The following PDXDC1 variants were observed in gnomAD, a reference collection of about 807,000 sequenced individuals.
The protein encoded by PDXDC1 is pyridoxal-dependent decarboxylase domain-containing protein 1.
In PDXDC1, 42 loss-of-function variants were observed where a neutral mutation model predicts 100.1. That is an observed-to-expected ratio of 0.42 (90% confidence interval 0.33 to 0.54). PDXDC1 has a LOEUF of 0.54. PDXDC1 is among the 20% of genes least tolerant of loss of function. PDXDC1 has a pLI of 0.10. For missense variants in PDXDC1, 636 were observed against 979.2 expected (o/e 0.65, Z 4.68); for synonymous variants, 260 against 371.7 (o/e 0.70, Z 3.46).
At chr16:15,124,709 C>T (rs912097580) in intron 16 of PDXDC1, among the ~76,000 whole-genome samples, 2 of 151,576 alleles carry the variant, frequency 1.3e-5, no homozygotes, top group Non-Finnish European at 3.0e-5. Flanking sequence ...GAGGCAGAGT[C>T]TGCAGTGAGC....
chr16:15,134,962 C>T (rs1244717084), intron 16 of PDXDC1: 3 of 403,304 alleles, frequency 7.4e-6, no homozygotes, highest in African/African-American at 2.1e-5. Context: ...CGGCCCACCA[C>T]ATCCAGCAAC....
At chr16:15,048,170 G>T in intron 16 of PDXDC1, 1 of 1,078,134 alleles carries the variant, frequency 9.3e-7, no homozygotes, top group Non-Finnish European at 1.4e-6. Flanking sequence ...GATGTGGAGA[G>T]AGCCAAAGTG....
At chr16:15,105,243 T>C (rs1484704848) in intron 16 of PDXDC1, among the ~76,000 whole-genome samples, 1 of 122,966 alleles carries the variant, frequency 8.1e-6, no homozygotes, top group Non-Finnish European at 1.7e-5. Flanking sequence ...CCCTTTATGT[T>C]CTGTCTCTGA....
chr16:15,027,627 GCCGCTC>G (rs1259872118), intron 14 of PDXDC1, among the ~76,000 whole-genome samples: 1 of 152,298 alleles, frequency 6.6e-6, no homozygotes, highest in African/African-American at 2.4e-5. Context: ...TTGGAGTTGG[GCCGCTC>G]AGCGGCCCTG....
chr16:15,032,412 G>A (rs1466338424), intron 17 of PDXDC1: 3 of 169,014 alleles, frequency 1.8e-5, no homozygotes, highest in Non-Finnish European at 3.8e-5. Context: ...AGCACTTTGG[G>A]AGGCCAACAG....
intron 1 of PDXDC1, among the ~76,000 whole-genome samples, chr16:14,978,652 C>T (rs1967252633): frequency 6.6e-6 from 1 of 152,302 alleles, no homozygotes; most frequent in Non-Finnish European, 1.5e-5. Flanking sequence ...GCCTTAGCCT[C>T]CCAAAGTGCT....
chr16:15,135,956 C>T (rs866298841), intron 16 of PDXDC1: 59 of 1,576,326 alleles, frequency 3.7e-5, no homozygotes, highest in Middle Eastern at 4.5e-4. Context: ...CAGGGCCACA[C>T]GCGCCGGGCA....
intron 16 of PDXDC1, chr16:15,133,423 C>G: frequency 9.7e-7 from 1 of 1,035,388 alleles, no homozygotes; most frequent in East Asian, 2.5e-5. Context: ...TGGCCAGAGA[C>G]CTACGAGCAG....
intron 16 of PDXDC1, chr16:15,044,590 T>C (rs3803575): frequency 0.33 from 199,075 of 599,630 alleles, 34,457 homozygotes; most frequent in Admixed American, 0.48. Context: ...GGCGAGCTTC[T>C]GGGGACCCTG....
At chr16:15,069,699 C>T (rs996723688) in intron 16 of PDXDC1, among the ~76,000 whole-genome samples, 1 of 152,172 alleles carries the variant, frequency 6.6e-6, no homozygotes, top group African/African-American at 2.4e-5. Flanking sequence ...GAATACCTGC[C>T]ATTTACTGGG....
At chr16:14,974,969 C>G (rs556233973), upstream of PDXDC1, 1 of 1,535,144 alleles carries the variant, frequency 6.5e-7, no homozygotes, top group East Asian at 2.4e-5. Flanking sequence ...CGGCGTGGCG[C>G]CCAGGTACGG....
intron 16 of PDXDC1, among the ~76,000 whole-genome samples, chr16:15,078,998 G>A (rs550400773): frequency 1.3e-5 from 2 of 152,032 alleles, no homozygotes; most frequent in Admixed American, 6.5e-5. Flanking sequence ...TTTTTAGTGA[G>A]ACAGAGTTTC....
intron 16 of PDXDC1, among the ~76,000 whole-genome samples, chr16:15,030,374 G>A (rs148457583): frequency 5.3e-5 from 8 of 152,142 alleles, no homozygotes; most frequent in South Asian, 2.1e-4. Flanking sequence ...GTGAAATCCC[G>A]CCCCTACTAA....
At chr16:15,135,104 T>C (rs1343102894) in intron 16 of PDXDC1, 1 of 627,292 alleles carries the variant, frequency 1.6e-6, no homozygotes, top group Non-Finnish European at 2.9e-6. Context: ...TGTGGAACTG[T>C]GGCAGGTTTG....
At chr16:15,081,762 A>C (rs181712288) in intron 16 of PDXDC1, among the ~76,000 whole-genome samples, 1 of 152,346 alleles carries the variant, frequency 6.6e-6, no homozygotes, top group East Asian at 1.9e-4. Context: ...CAACATCATG[A>C]AAATGTACTC....
At chr16:15,084,518 G>A (rs2151810969) in intron 16 of PDXDC1, 1 of 649,370 alleles carries the variant, frequency 1.5e-6, no homozygotes, top group East Asian at 3.1e-5. Context: ...TTCCTCAAGT[G>A]GATACAAAAA....
intron 16 of PDXDC1, chr16:15,137,698 G>T: frequency 3.5e-6 from 4 of 1,131,292 alleles, no homozygotes; most frequent in Non-Finnish European, 5.1e-6. Context: ...TGTCTGCAGG[G>T]CCCAGGTCCC....
chr16:15,094,217 A>T (rs1394830440), intron 16 of PDXDC1: 15 of 1,594,236 alleles, frequency 9.4e-6, no homozygotes, highest in Non-Finnish European at 1.2e-5. Context: ...ACGCGTGTGA[A>T]GCAGCGGTGC....
rs1295998168 is a variant in PDXDC1 at position 15,125,465 on chromosome 16, C to T, written c.1400-13414C>T. On this transcript the variant is annotated intron_variant, in intron 16 of 16. Coordinates refer to the PDXDC1 transcript ENST00000535621. ...GTGACCACATGGAGCCACAGACACC[C>T]AGCAAGGACACGCAGCCCGCACACC... 7 of 898,482 alleles carry T rather than the reference C, an allele frequency of 7.8e-6. No homozygotes were observed. In the East Asian group the frequency reaches 1.7e-4, roughly 22 times the overall value. 55.7% of individuals were successfully genotyped at this position (898,482 alleles called of 1,614,324 possible).
Sources: gnomAD v4.1 joint callset for allele counts (sites outside exome capture counted in the v4.1 genomes callset) on GRCh38, gnomAD v4.1.1 for gene constraint, MANE v1.5 for transcripts, NCBI Gene and HGNC (gene_info 2026-07-23, HGNC 2026-07-21) for gene names.